FSIP1: variants seen among roughly 807,000 people sequenced by gnomAD.
FSIP1 encodes fibrous sheath-interacting protein 1.
FSIP1 carries 65 observed loss-of-function variants against 60.9 expected under a neutral mutation model. The observed-to-expected ratio is 1.07, with a 90% CI of 0.87 to 1.31. FSIP1 has a LOEUF of 1.31. FSIP1 is among the 40% of genes most tolerant of loss of function. The pLI, the probability that FSIP1 is intolerant of heterozygous loss-of-function variation, is 0.00. For missense variants in FSIP1, 675 were observed against 665.5 expected, an observed-to-expected ratio of 1.01 and a Z score of -0.16; for synonymous variants, 209 against 221.2, an observed-to-expected ratio of 0.94 and a Z score of 0.49.
At chr15:39,707,922 G>A (rs879507054) in intron 10 of FSIP1, among the ~76,000 whole-genome samples, 4 of 152,182 alleles carry the variant, frequency 2.6e-5, no homozygotes, top group Non-Finnish European at 4.4e-5. Context: ...TGGATGGGCA[G>A]AGAAGCCTGT....
At position 39,691,526 on chromosome 15, in the gene FSIP1, A is replaced by C. The variant is rs183910058; in HGVS notation, c.1188+21918T>G. On this transcript the variant is annotated intron_variant, in intron 10 of 11. Coordinates refer to ENST00000350221, the MANE Select transcript of FSIP1 (RefSeq NM_152597.5). ...ACAGTGACGCAGTCGTCCTGCCTGA[A>C]ACTAAGGCAGAATGTTCTTCTTCAA... Among the ~76,000 whole-genome samples, 67 of 152,344 alleles carry C rather than the reference A, an allele frequency of 4.4e-4. 1 individual carries two copies. In the East Asian group the frequency reaches 0.012, roughly 27 times the overall value.
chr15:39,618,164 T>C lies in FSIP1; in HGVS notation c.1270A>G (p.Lys424Glu). 1 of 1,614,068 alleles carries C rather than the reference T, an allele frequency of 6.2e-7. No individual in the cohort carries two copies. Reference protein sequence around the residue: ...ECILKQKSIIKLSSERKKEDI... With the variant: ...ECILKQKSIIELSSERKKEDI... ...TCCTTTTTTCTTTCTGAAGAAAGTT[T>C]AATGATGGATTTTTGTTTAAGTATG... The change falls in exon 11 of 12, where the codon AAA becomes GAA. Residue 424 changes from lysine to glutamate, a missense_variant. Lys to Glu is a moderately conservative substitution (Grantham distance 56). Coordinates refer to ENST00000350221, the MANE Select transcript of FSIP1 (RefSeq NM_152597.5).
At chr15:39,647,628 C>T (rs190239503) in intron 10 of FSIP1, among the ~76,000 whole-genome samples, 3 of 151,950 alleles carry the variant, frequency 2.0e-5, no homozygotes, top group African/African-American at 7.3e-5. Context: ...TTGGTGTTTT[C>T]TAACAGTCTC....
At chr15:39,715,271 C>G (rs1452208893) in intron 9 of FSIP1, among the ~76,000 whole-genome samples, 1 of 152,132 alleles carries the variant, frequency 6.6e-6, no homozygotes, top group African/African-American at 2.4e-5. Flanking sequence ...TCCTGAGACT[C>G]CTACCCATTT....
chr15:39,713,397 C>A (rs1469646931), intron 10 of FSIP1, 47 bp downstream of exon 10: 2 of 1,536,364 alleles, frequency 1.3e-6, no homozygotes, highest in African/African-American at 1.4e-5. Context: ...TGAGAACCTG[C>A]CTCTATTTTT....
chr15:39,602,807 C>T (rs994311590), intron 11 of FSIP1, among the ~76,000 whole-genome samples: 1 of 152,184 alleles, frequency 6.6e-6, no homozygotes, highest in African/African-American at 2.4e-5. Flanking sequence ...ATAGTGTTGT[C>T]TATGTACTTT....
chr15:39,720,135 T>C (rs540803461), intron 9 of FSIP1, among the ~76,000 whole-genome samples: 137 of 152,270 alleles, frequency 9.0e-4, no homozygotes, highest in Non-Finnish European at 1.5e-3. Context: ...ACTGGAACTA[T>C]ACAAATCCCT....
chr15:39,755,639 T>C (rs2140681755), intron 5 of FSIP1, among the ~76,000 whole-genome samples: 1 of 152,274 alleles, frequency 6.6e-6, no homozygotes, highest in Admixed American at 6.5e-5. Flanking sequence ...AGAAAGAGAC[T>C]ACCAGATTTT....
At chr15:39,691,303 G>C (rs1160178007) in intron 10 of FSIP1, among the ~76,000 whole-genome samples, 3 of 152,222 alleles carry the variant, frequency 2.0e-5, no homozygotes, top group Non-Finnish European at 4.4e-5. Context: ...TAAGTAGATG[G>C]GGATGCAACT....
intron 8 of FSIP1, among the ~76,000 whole-genome samples, chr15:39,731,411 T>C (rs1464176466): frequency 6.6e-6 from 1 of 152,096 alleles, no homozygotes; most frequent in Non-Finnish European, 1.5e-5. Context: ...ATAGCCTAAA[T>C]GATAAAAAAT....
At chr15:39,705,355 T>TGGAACACTCACACC (rs1396313846) in intron 10 of FSIP1, among the ~76,000 whole-genome samples, 1 of 152,154 alleles carries the variant, frequency 6.6e-6, no homozygotes, top group Non-Finnish European at 1.5e-5. Context: ...ATTGTCACAG[T>TGGAACACTCACACC]GGAACACTCA....
intron 10 of FSIP1, among the ~76,000 whole-genome samples, chr15:39,669,978 A>G (rs1294299660): frequency 1.3e-5 from 2 of 152,334 alleles, no homozygotes; most frequent in East Asian, 3.9e-4. Context: ...TATTTCTTCC[A>G]ACCCTCCCGG....
At chr15:39,762,119 G>C (rs1198986588) in intron 5 of FSIP1, among the ~76,000 whole-genome samples, 1 of 152,174 alleles carries the variant, frequency 6.6e-6, no homozygotes, top group Admixed American at 6.5e-5. Flanking sequence ...TGTCTGCATT[G>C]AAACTGTTGA....
chr15:39,678,903 T>C (rs1894049976), intron 10 of FSIP1, among the ~76,000 whole-genome samples: 1 of 152,232 alleles, frequency 6.6e-6, no homozygotes, highest in African/African-American at 2.4e-5. Context: ...AAAAGGTTTT[T>C]AGGTTTTTTA....
chr15:39,695,971 G>A lies in FSIP1; in HGVS notation c.1188+17473C>T, dbSNP rs8043488. Among the ~76,000 whole-genome samples the A allele has an allele frequency of 7.4e-3, 1,133 of 152,256 alleles. 24 individuals are homozygous for A. The highest frequency in any genetic ancestry group is 0.026 in the African/African-American group (1,078 of 41,534). On this transcript the variant is annotated intron_variant, in intron 10 of 11. Transcript: ENST00000350221. Reference sequence around the variant, plus strand: ...TTCAAAGGTAGTAGCAGGCGCTTTCGCAAGAACATAATTAGATGGTGATTT... The same window carrying A: ...TTCAAAGGTAGTAGCAGGCGCTTTCACAAGAACATAATTAGATGGTGATTT...
chr15:39,765,740 G>T lies in FSIP1; in HGVS notation c.317C>A (p.Pro106His). The T allele has an allele frequency of 6.6e-7, 1 of 1,508,188 alleles. No individual in the cohort carries two copies. The highest frequency in any genetic ancestry group is 9.1e-7 in the Non-Finnish European group (1 of 1,100,900). The allele number at this position is 1,508,188 out of a possible 1,614,324, so 93.4% of individuals were successfully genotyped here. Residue 106 changes from proline to histidine, a missense_variant, in exon 4 of 12, where the codon CCC becomes CAC. Transcript: ENST00000350221. The stretch of plus-strand genomic sequence containing the variant: ...TTGAGAATCTAATTCTTTTAATTTG[G>T]GTTCATCTATATTGTGTTGAAAGTA... ...HQIISECSDE[P>H]KLKELDSQLQ...
intron 5 of FSIP1, among the ~76,000 whole-genome samples, chr15:39,757,111 C>T (rs12324408): frequency 0.11 from 16,158 of 151,714 alleles, 1,230 homozygotes; most frequent in East Asian, 0.25. Context: ...GTGCTGGCAA[C>T]AAAAAATTAT....
chr15:39,600,062 G>A lies in FSIP1; in HGVS notation c.*818C>T, dbSNP rs1423591476. 1 of 152,120 alleles carries A rather than the reference G, an allele frequency of 6.6e-6. No individual in the cohort carries two copies. The highest frequency in any genetic ancestry group is 1.5e-5 in the Non-Finnish European group (1 of 68,008). The allele number at this position is 152,120 out of a possible 1,614,324, so 9.4% of individuals were successfully genotyped here. On this transcript the variant is annotated 3_prime_UTR_variant, in exon 12 of 12. Transcript: ENST00000350221. ...ATACATCACTCAAATTTTATTAAAG[G>A]CAGCACAATAGCCCGCTCATTTTTT...
intron 10 of FSIP1, among the ~76,000 whole-genome samples, chr15:39,652,495 G>C (rs920372340): frequency 6.6e-6 from 1 of 152,122 alleles, no homozygotes; most frequent in Non-Finnish European, 1.5e-5. Flanking sequence ...ATTTGCTATA[G>C]ATTTTGCACA....
Sources: gnomAD v4.1 joint callset for allele counts (sites outside exome capture counted in the v4.1 genomes callset) on GRCh38, gnomAD v4.1.1 for gene constraint, MANE v1.5 for transcripts, NCBI Gene and HGNC (gene_info 2026-07-23, HGNC 2026-07-21) for gene names.